Variants in HOMER3 observed in about 807,000 individuals in gnomAD.
HOMER3 encodes the protein homer protein homolog 3.
A neutral mutation model predicts 45.5 loss-of-function variants in HOMER3; 34 were observed. The observed-to-expected ratio is 0.75, with a 90% CI of 0.57 to 1.00. The LOEUF is 1.00. Ranked by LOEUF, HOMER3 falls within the 50% of genes least tolerant of loss-of-function variation. The pLI is 0.00. For synonymous variants in HOMER3, 223 were observed against 208.8 expected (o/e 1.07, Z -0.58); for missense variants, 480 against 497.5 (o/e 0.96, Z 0.33).
rs1386324071 is a variant in HOMER3, at chr19:18,939,061, G to A, written c.-67-12C>T. 7.0e-7 allele frequency: 1 copy of A among 1,420,154 alleles called. No individual in the cohort carries two copies. Among genetic ancestry groups the A allele is most frequent in the Non-Finnish European group, 9.4e-7 (1 of 1,063,294 alleles). The allele number at this position is 1,420,154 out of a possible 1,614,324, so 88.0% of individuals were successfully genotyped here. ...CACTGGTTTGGCCCCTAGGGAGAGA[G>A]GAGGGACTATGAGTGTCCCTCAGGC... On this transcript the variant is annotated splice_polypyrimidine_tract_variant and intron_variant, in intron 1 of 9. Transcript: ENST00000392351.
intron 5 of HOMER3, 148 bp downstream of exon 5, chr19:18,934,155 G>A: frequency 2.0e-6 from 1 of 496,396 alleles, no homozygotes; most frequent in Non-Finnish European, 3.5e-6. Context: ...CCCTGCTGTG[G>A]GTCTAACCTT....
In HOMER3 at chr19:18,936,301, G is replaced by GA. The variant is rs1405021374; in HGVS notation, c.304-1892dup. Among the ~76,000 whole-genome samples, 5 of 145,740 alleles carry GA rather than the reference G, an allele frequency of 3.4e-5. No individual in the cohort carries two copies. The East Asian group carries it at 9.8e-4, about 28-fold the overall frequency. On this transcript the variant is annotated intron_variant, in intron 4 of 9. Coordinates refer to ENST00000392351, the MANE Select transcript of HOMER3 (RefSeq NM_004838.4). ...GCACTCCAGCCTGGGGGACAAGAGT[G>GA]AAACTCTGTCTCAAAAAAATAAATA...
At position 18,934,392 on chromosome 19, in the gene HOMER3, C is replaced by G. The variant is rs374957341; in HGVS notation, c.322G>C (p.Glu108Gln). Reference protein sequence around the residue: ...HLTQFAEKFQEVKEAARLARE... With the variant: ...HLTQFAEKFQQVKEAARLARE... ...GCCAGCCTGGCTGCTTCCTTCACTTCCTGGAACTTCTCGGCAAACTAAGGG... is the reference window on the plus strand; with the variant it reads ...GCCAGCCTGGCTGCTTCCTTCACTTGCTGGAACTTCTCGGCAAACTAAGGG... The change falls in exon 5 of 10, where the codon GAA (glutamate) becomes CAA (glutamine). Residue 108 changes from glutamate (E) to glutamine (Q), a missense_variant. By Grantham distance (29) the Glu-to-Gln change is conservative (BLOSUM62 2). Transcript: ENST00000392351. 6.3e-7 allele frequency: 1 copy of G among 1,591,268 alleles called. No individual in the cohort carries two copies. The highest frequency in any genetic ancestry group is 1.1e-5 in the South Asian group (1 of 87,378).
chr19:18,936,040 G>A lies in HOMER3; in HGVS notation c.304-1630C>T, dbSNP rs1427665202. On this transcript the variant is annotated intron_variant, in intron 4 of 9. Transcript: ENST00000392351. ...TCTCAAAATAAATAGATAAGGCCATGTGTGGTGGCTCACGCTTGTAATCCC... is the reference window on the plus strand; with the variant it reads ...TCTCAAAATAAATAGATAAGGCCATATGTGGTGGCTCACGCTTGTAATCCC... Among the ~76,000 whole-genome samples the A allele has an allele frequency of 3.3e-5, 5 of 149,966 alleles. 1 individual carries two copies. Among genetic ancestry groups the A allele is most frequent in the African/African-American group, 7.3e-5 (3 of 41,034 alleles).
In HOMER3 at chr19:18,931,943, G is replaced by A. The variant is rs1169958230; in HGVS notation, c.690+33C>T. On this transcript the variant is annotated intron_variant, in intron 7 of 9. Transcript: ENST00000392351. ...CGGTCTCCACAGTTGCCCGGGCCAG[G>A]TGGGGGTCTCTCGGAGGGAGGGGTG... The A allele has an allele frequency of 5.3e-6, 8 of 1,497,344 alleles. No homozygotes were observed. The East Asian group carries it at 9.9e-5, about 19-fold the overall frequency. 92.8% of individuals were successfully genotyped at this position (1,497,344 alleles called of 1,614,324 possible).
At chr19:18,932,208 G>A (rs1262175093) in intron 6 of HOMER3, 76 bp from the exon 7 acceptor site, 3 of 1,319,586 alleles carry the variant, frequency 2.3e-6, no homozygotes, top group African/African-American at 1.5e-5. Flanking sequence ...GCTAGGGGGC[G>A]GGGCCAGGGG....
Position 18,935,357 on chromosome 19 carries a change from C to T in HOMER3, c.304-947G>A, listed in dbSNP as rs184378761. Among the ~76,000 whole-genome samples the T allele has an allele frequency of 1.1e-4, 17 of 151,974 alleles. No homozygotes were observed. The East Asian group carries it at 3.3e-3, about 30-fold the overall frequency. ...TTCACCATATTGGCCATGCTGGTCT[C>T]GAACTCCTGACCCCGTGATCCACCC... On this transcript the variant is annotated intron_variant, in intron 4 of 9. Transcript: ENST00000392351.
At chr19:18,933,400 C>T (rs1214164933) in intron 5 of HOMER3, among the ~76,000 whole-genome samples, 1 of 152,226 alleles carries the variant, frequency 6.6e-6, no homozygotes, top group Non-Finnish European at 1.5e-5. Context: ...CGAACTTCAA[C>T]ATCACGTTTA....
chr19:18,941,090 C>A lies in HOMER3; in HGVS notation c.-107G>T. On this transcript the variant is annotated 5_prime_UTR_variant, in exon 1 of 10. Transcript: ENST00000392351. ...GCCCCGCGAGTGTCCAGGCGCGAGTCGGGTGCGGCCCCCGCGGCGCTGACT... is the reference window on the plus strand; with the variant it reads ...GCCCCGCGAGTGTCCAGGCGCGAGTAGGGTGCGGCCCCCGCGGCGCTGACT... 1 of 150,956 alleles carries A rather than the reference C, an allele frequency of 6.6e-6. No homozygotes were observed. Among genetic ancestry groups the A allele is most frequent in the South Asian group, 1.9e-4 (1 of 5,192 alleles). The allele number at this position is 150,956 out of a possible 1,614,324, so 9.4% of individuals were successfully genotyped here.
intron 6 of HOMER3, 112 bp downstream of exon 6, chr19:18,932,812 G>A: frequency 1.2e-6 from 1 of 831,174 alleles, no homozygotes; most frequent in Non-Finnish European, 1.7e-6. Context: ...CCCAGGTCTT[G>A]AGTCCACAGT....
chr19:18,936,658 C>G (rs2057096311), intron 4 of HOMER3, among the ~76,000 whole-genome samples: 1 of 144,802 alleles, frequency 6.9e-6, no homozygotes. Context: ...GAGCTAGACT[C>G]TGTCTCCAAA....
chr19:18,935,715 C>T (rs1480433354), intron 4 of HOMER3, among the ~76,000 whole-genome samples: 1 of 152,074 alleles, frequency 6.6e-6, no homozygotes, highest in African/African-American at 2.4e-5. Context: ...AATAAATTTC[C>T]TTAGTTTAAA....
At position 18,938,730 on chromosome 19, in the gene HOMER3, T is replaced by G; in HGVS notation, c.169A>C (p.Lys57Gln). 1 of 1,583,730 alleles carries G rather than the reference T, an allele frequency of 6.3e-7. No individual in the cohort carries two copies. Among genetic ancestry groups the G allele is most frequent in the Non-Finnish European group, 8.6e-7 (1 of 1,163,110 alleles). ...CCCCACCCAGACCCCACCCTGACCTTGGCGCCTCCGATGCTGATGATGCGG... is the reference window on the plus strand; with the variant it reads ...CCCCACCCAGACCCCACCCTGACCTGGGCGCCTCCGATGCTGATGATGCGG... ...VYRIISIGGA[K>Q]AIINSTVTPN... The change falls in exon 3 of 10, where the codon AAG becomes CAG. Residue 57 changes from lysine to glutamine, a missense_variant and splice_region_variant. Physicochemically the swap from Lys to Gln is moderately conservative, Grantham distance 53. Transcript: ENST00000392351.
At chr19:18,932,469 C>G (rs2057047073) in intron 6 of HOMER3, among the ~76,000 whole-genome samples, 1 of 151,816 alleles carries the variant, frequency 6.6e-6, no homozygotes, top group South Asian at 2.1e-4. Context: ...CAGGGCCACG[C>G]AGGGCTGGGG....
At position 18,934,345 on chromosome 19, in the gene HOMER3, G is replaced by A. The variant is rs149337386; in HGVS notation, c.369C>T (p.Gly123=). ...ARLAREKSQD[G]GELTSPALGL... The stretch of plus-strand genomic sequence containing the variant: ...CCAGGGCTGGACTGGTGAGCTCCCC[G>A]CCATCCTGAGATTTCTCCCTGGCCA... Residue 123 remains glycine, a synonymous_variant, in exon 5 of 10, where the codon GGC becomes GGT. Coordinates refer to ENST00000392351, the MANE Select transcript of HOMER3 (RefSeq NM_004838.4). 4.0e-4 allele frequency: 637 copies of A among 1,587,586 alleles called. No homozygotes were observed. Among genetic ancestry groups the A allele is most frequent in the Non-Finnish European group, 5.2e-4 (608 of 1,167,346 alleles).
chr19:18,929,533 C>A lies in HOMER3; in HGVS notation c.996G>T (p.Val332=). The change falls in exon 10 of 10, where the codon GTG becomes GTT. Residue 332 remains valine, a synonymous_variant. Coordinates refer to ENST00000392351, the MANE Select transcript of HOMER3 (RefSeq NM_004838.4). The stretch of plus-strand genomic sequence containing the variant: ...CGTCCAGCAGCTGCGCTGCCCGGCC[C>A]ACCTCAGCCCGCGCCCGCTCCCGCT... ...RAERERARAE[V]GRAAQLLDVS... is the part of the protein sequence containing the mutation. The A allele has an allele frequency of 6.4e-7, 1 of 1,564,334 alleles. No homozygotes were observed. Among genetic ancestry groups the A allele is most frequent in the Non-Finnish European group, 8.6e-7 (1 of 1,156,814 alleles).
intron 9 of HOMER3, chr19:18,931,097 C>T (rs1040549128): frequency 2.6e-5 from 13 of 505,104 alleles, no homozygotes; most frequent in East Asian, 6.1e-5. Context: ...GAGGAATTGA[C>T]GGGGTCTGGC....
At chr19:18,933,522 C>T (rs1043087849) in intron 5 of HOMER3, among the ~76,000 whole-genome samples, 3 of 152,278 alleles carry the variant, frequency 2.0e-5, no homozygotes, top group African/African-American at 7.2e-5. Context: ...TGCGAGAGGC[C>T]AGCGCCACCG....
intron 5 of HOMER3, among the ~76,000 whole-genome samples, chr19:18,933,570 T>C (rs966646050): frequency 1.3e-5 from 2 of 152,140 alleles, no homozygotes; most frequent in African/African-American, 2.4e-5. Context: ...CTCATGCTTT[T>C]TTTCATCTCT....
Sources: gnomAD v4.1 joint callset for allele counts (sites outside exome capture counted in the v4.1 genomes callset) on GRCh38, gnomAD v4.1.1 for gene constraint, MANE v1.5 for transcripts, NCBI Gene and HGNC (gene_info 2026-07-23, HGNC 2026-07-21) for gene names.